The following ANKS1B variants were observed in gnomAD, a reference collection of about 807,000 sequenced individuals.
ANKS1B encodes ankyrin repeat and sterile alpha motif domain containing 1B, also known as ankyrin repeat and sterile alpha motif domain-containing protein 1B.
Under a neutral mutation model 148.3 loss-of-function variants are expected in ANKS1B, and 36 were observed. The observed-to-expected ratio is 0.24, with a 90% CI of 0.19 to 0.32. The LOEUF is 0.32. ANKS1B is among the 10% of genes least tolerant of loss of function. ANKS1B has a pLI of 1.00. For synonymous variants in ANKS1B, 542 were observed against 560.8 expected (o/e 0.97, Z 0.47); for missense variants, 1,157 against 1,542.6 (o/e 0.75, Z 4.19).
intron 1 of ANKS1B, among the ~76,000 whole-genome samples, chr12:99,890,970 A>C (rs2093071382): frequency 6.6e-6 from 1 of 152,336 alleles, no homozygotes; most frequent in Admixed American, 6.5e-5. Flanking sequence ...ACCATAGGAA[A>C]CCATTCTTCT....
chr12:99,328,410 A>G (rs1198759063), intron 12 of ANKS1B, among the ~76,000 whole-genome samples: 1 of 151,924 alleles, frequency 6.6e-6, no homozygotes, highest in African/African-American at 2.4e-5. Flanking sequence ...GGGGGAAAAA[A>G]CACCTAAAAG....
intron 8 of ANKS1B, among the ~76,000 whole-genome samples, chr12:99,733,180 C>T (rs2059327106): frequency 6.6e-6 from 1 of 152,106 alleles, no homozygotes; most frequent in African/African-American, 2.4e-5. Flanking sequence ...CTTGCCTTGG[C>T]CAATGGAATA....
intron 1 of ANKS1B, among the ~76,000 whole-genome samples, chr12:99,979,305 T>C (rs891722217): frequency 6.6e-5 from 10 of 152,098 alleles, no homozygotes; most frequent in African/African-American, 1.9e-4. Context: ...TTAGCTAAGT[T>C]TGAAAAAGAG....
Position 99,779,920 on chromosome 12 carries a change from C to G in ANKS1B, c.798G>C (p.Leu266=). ...GAGATTTCTGAGATGGATGTTCTTT[C>G]AGAATGTCCAAGACAGTTCTACCTA... is the stretch of plus-strand genomic sequence containing the variant. ...DSLGRTVLDI[L]KEHPSQKSLQ... The change falls in exon 6 of 27, where the codon CTG becomes CTC. Residue 266 remains leucine, a synonymous_variant. Transcript: ENST00000683438. 1.9e-6 allele frequency: 3 copies of G among 1,612,048 alleles called. No homozygotes were observed. Among genetic ancestry groups the G allele is most frequent in the Non-Finnish European group, 2.5e-6 (3 of 1,179,482 alleles).
chr12:99,822,644 A>G (rs2082653842), intron 2 of ANKS1B, among the ~76,000 whole-genome samples: 1 of 152,230 alleles, frequency 6.6e-6, no homozygotes, highest in Admixed American at 6.5e-5. Flanking sequence ...GCTGCATAGT[A>G]TTCCATGGTG....
intron 16 of ANKS1B, among the ~76,000 whole-genome samples, chr12:99,059,359 T>C (rs2041549176): frequency 6.6e-6 from 1 of 152,230 alleles, no homozygotes; most frequent in Non-Finnish European, 1.5e-5. Flanking sequence ...AATGAATACA[T>C]GAAGACAAAA....
chr12:99,919,854 G>T (rs570880549), intron 1 of ANKS1B, among the ~76,000 whole-genome samples: 1 of 150,402 alleles, frequency 6.6e-6, no homozygotes, highest in South Asian at 2.1e-4. Context: ...AAAATGTTTA[G>T]ATTGATTACA....
chr12:99,536,272 G>A (rs976914152), intron 9 of ANKS1B, among the ~76,000 whole-genome samples: 2 of 152,186 alleles, frequency 1.3e-5, no homozygotes, highest in Non-Finnish European at 2.9e-5. Context: ...TGTAACAAAT[G>A]TAGCACTCTG....
At chr12:98,971,799 C>A (rs1250302980) in intron 17 of ANKS1B, among the ~76,000 whole-genome samples, 1 of 152,150 alleles carries the variant, frequency 6.6e-6, no homozygotes, top group Admixed American at 6.5e-5. Context: ...GGAGATCCAG[C>A]TGTTGTCCAT....
chr12:98,981,489 C>G (rs2099910613), intron 17 of ANKS1B, among the ~76,000 whole-genome samples: 1 of 152,132 alleles, frequency 6.6e-6, no homozygotes, highest in South Asian at 2.1e-4. Context: ...GCGCATACCA[C>G]CACGCCTGGC....
chr12:99,954,847 G>C (rs1215299420), intron 1 of ANKS1B, among the ~76,000 whole-genome samples: 3 of 152,108 alleles, frequency 2.0e-5, no homozygotes, highest in Admixed American at 2.0e-4. Flanking sequence ...ATAGTACCAA[G>C]GTTGGGAAAT....
intron 9 of ANKS1B, among the ~76,000 whole-genome samples, chr12:99,522,091 C>T (rs2096880945): frequency 6.6e-6 from 1 of 152,206 alleles, no homozygotes; most frequent in African/African-American, 2.4e-5. Flanking sequence ...GGCTCTCAAA[C>T]CACAATACAA....
At chr12:98,983,502 A>T (rs2099918905) in intron 17 of ANKS1B, among the ~76,000 whole-genome samples, 1 of 152,212 alleles carries the variant, frequency 6.6e-6, no homozygotes, top group African/African-American at 2.4e-5. Context: ...CCCTTTTGTC[A>T]TATAATGCAC....
chr12:98,799,002 A>C lies in ANKS1B; in HGVS notation c.3274T>G (p.Leu1092Val). 1.3e-6 allele frequency: 2 copies of C among 1,593,902 alleles called. No homozygotes were observed. The highest frequency in any genetic ancestry group is 1.7e-6 in the Non-Finnish European group (2 of 1,170,958). Residue 1092 changes from leucine to valine, a missense_variant, in exon 22 of 27, where the codon TTA (leucine) becomes GTA (valine). By Grantham distance (32) the Leu-to-Val change is conservative. Around this residue, in one of 6 missense-constraint regions of ANKS1B, gnomAD observed 258 missense variants for 497.0 expected, o/e 0.52. Transcript: ENST00000683438. ...FQSCDYKAFY[L>V]GSMLIKELRG... ...AGCTCTTTTATCAGCATAGAACCTA[A>C]ATACTAAAATACAAAAAAAATTCAA...
chr12:99,776,731 G>T (rs1054493988), intron 6 of ANKS1B, among the ~76,000 whole-genome samples: 7 of 152,040 alleles, frequency 4.6e-5, no homozygotes, highest in Non-Finnish European at 8.8e-5. Flanking sequence ...CCAGGCTGGA[G>T]TGCAGTGGTG....
chr12:99,327,211 TATATA>T (rs910766916), intron 12 of ANKS1B, among the ~76,000 whole-genome samples: 6 of 118,948 alleles, frequency 5.0e-5, no homozygotes, highest in Admixed American at 2.1e-4. Context: ...TATTATCTAT[TATATA>T]ATATAATTTA....
intron 12 of ANKS1B, among the ~76,000 whole-genome samples, chr12:99,363,769 C>T (rs1468307277): frequency 6.6e-6 from 1 of 152,032 alleles, no homozygotes; most frequent in Non-Finnish European, 1.5e-5. Context: ...AACCTTTATG[C>T]AACAAACCTT....
intron 12 of ANKS1B, among the ~76,000 whole-genome samples, chr12:99,311,812 G>A (rs1423784176): frequency 1.3e-5 from 2 of 151,974 alleles, no homozygotes; most frequent in South Asian, 2.1e-4. Context: ...GGAATGTGGT[G>A]CTTTTTATTG....
chr12:99,316,960 G>C (rs1334515836), intron 12 of ANKS1B, among the ~76,000 whole-genome samples: 1 of 152,172 alleles, frequency 6.6e-6, no homozygotes, highest in African/African-American at 2.4e-5. Context: ...TGTCAGGTTT[G>C]TGAAAGATCA....
Sources: gnomAD v4.1 joint callset for allele counts (sites outside exome capture counted in the v4.1 genomes callset) on GRCh38, gnomAD v4.1.1 for gene constraint, gnomAD v4.1.1 regional missense constraint, MANE v1.5 for transcripts, NCBI Gene and HGNC (gene_info 2026-07-23, HGNC 2026-07-21) for gene names.